The following DLC1 variants were observed in gnomAD, a reference collection of about 807,000 sequenced individuals.
DLC1 encodes rho GTPase-activating protein 7.
DLC1 carries 54 observed loss-of-function variants against 140.3 expected under a neutral mutation model. The observed-to-expected ratio is 0.38, with a 90% CI of 0.31 to 0.48. The LOEUF (loss-of-function observed/expected upper bound fraction) is 0.48. Among genes scored for constraint, DLC1 ranks in the 20% least tolerant of loss-of-function variants. The probability of loss-of-function intolerance (pLI) is 0.96; values close to 1 mark genes in which losing one functional copy is unlikely to be tolerated. For missense variants in DLC1, 2,536 were observed against 1,907.0 expected, an observed-to-expected ratio of 1.33 and a Z score of -6.14; for synonymous variants, 986 against 728.1, an observed-to-expected ratio of 1.35 and a Z score of -5.70.
intron 2 of DLC1, among the ~76,000 whole-genome samples, chr8:13,468,136 C>T (rs573991238): frequency 9.9e-5 from 15 of 152,188 alleles, no homozygotes; most frequent in South Asian, 4.2e-4. Flanking sequence ...TAAACACTTT[C>T]GGAAAAAGTG....
chr8:13,139,166 T>C (rs1822783047), intron 5 of DLC1, among the ~76,000 whole-genome samples: 1 of 150,928 alleles, frequency 6.6e-6, no homozygotes, highest in Admixed American at 6.6e-5. Context: ...GCTGCTCGCC[T>C]GTGTTCCCAG....
chr8:13,172,966 T>C (rs974865383), intron 5 of DLC1, among the ~76,000 whole-genome samples: 3 of 152,220 alleles, frequency 2.0e-5, no homozygotes, highest in Non-Finnish European at 4.4e-5. Flanking sequence ...CAAAAAGTCA[T>C]TAGGGTGTAT....
chr8:13,460,402 G>A (rs967248182), intron 2 of DLC1, among the ~76,000 whole-genome samples: 26 of 152,330 alleles, frequency 1.7e-4, no homozygotes, highest in Non-Finnish European at 3.1e-4. Flanking sequence ...CTCACTGCAC[G>A]TGTTCTGGGC....
At chr8:13,481,703 C>G (rs1325085877) in intron 2 of DLC1, among the ~76,000 whole-genome samples, 1 of 152,126 alleles carries the variant, frequency 6.6e-6, no homozygotes, top group Non-Finnish European at 1.5e-5. Flanking sequence ...AACTGGACCC[C>G]TCTCCCAATT....
chr8:13,228,266 T>C (rs1185014207), intron 5 of DLC1, among the ~76,000 whole-genome samples: 7 of 151,816 alleles, frequency 4.6e-5, no homozygotes, highest in Non-Finnish European at 7.4e-5. Flanking sequence ...TTGTGACTCA[T>C]TTCTTTTTAA....
intron 5 of DLC1, among the ~76,000 whole-genome samples, chr8:13,149,684 G>T (rs982335837): frequency 1.3e-5 from 2 of 152,162 alleles, no homozygotes; most frequent in Non-Finnish European, 2.9e-5. Flanking sequence ...CTTCAGAAAG[G>T]CAAAGAGAAC....
At chr8:13,462,337 C>T (rs1382454025) in intron 2 of DLC1, among the ~76,000 whole-genome samples, 3 of 151,046 alleles carry the variant, frequency 2.0e-5, no homozygotes, top group Non-Finnish European at 4.4e-5. Context: ...GGGAACTTTT[C>T]TTTTGTAACT....
At chr8:13,405,877 T>C (rs964852892) in intron 2 of DLC1, among the ~76,000 whole-genome samples, 4 of 151,230 alleles carry the variant, frequency 2.6e-5, no homozygotes, top group African/African-American at 9.7e-5. Context: ...CTTTTCTTTT[T>C]TCTTTTCTTT....
At chr8:13,471,959 G>A (rs953358470) in intron 2 of DLC1, among the ~76,000 whole-genome samples, 1 of 152,108 alleles carries the variant, frequency 6.6e-6, no homozygotes, top group Non-Finnish European at 1.5e-5. Flanking sequence ...AATCCCAAAA[G>A]TTTCTGAGCT....
chr8:13,574,944 G>T (rs376183993), intron 1 of DLC1, among the ~76,000 whole-genome samples: 71 of 152,340 alleles, frequency 4.7e-4, no homozygotes, highest in African/African-American at 1.5e-3. Flanking sequence ...AGGTTGAAAA[G>T]AAGTAGGGAT....
chr8:13,587,105 C>CACACACGCACAT (rs879540746), intron 1 of DLC1, among the ~76,000 whole-genome samples: 1 of 150,118 alleles, frequency 6.7e-6, no homozygotes, highest in Non-Finnish European at 1.5e-5. Context: ...CACACACACA[C>CACACACGCACAT]ATTCATGCAT....
intron 4 of DLC1, among the ~76,000 whole-genome samples, chr8:13,306,245 A>T (rs866656893): frequency 4.6e-5 from 7 of 152,190 alleles, no homozygotes; most frequent in South Asian, 4.1e-4. Context: ...CACTGTTATG[A>T]TTTTTAAAAA....
intron 4 of DLC1, among the ~76,000 whole-genome samples, chr8:13,373,637 T>C (rs905227112): frequency 6.6e-6 from 1 of 152,232 alleles, no homozygotes; most frequent in African/African-American, 2.4e-5. Context: ...AAAATAATTG[T>C]ATGTATTACT....
intron 5 of DLC1, among the ~76,000 whole-genome samples, chr8:13,178,077 A>G (rs995378580): frequency 6.6e-6 from 1 of 152,194 alleles, no homozygotes; most frequent in Non-Finnish European, 1.5e-5. Context: ...TTCTGGGTCA[A>G]TCATATATCT....
intron 5 of DLC1, among the ~76,000 whole-genome samples, chr8:13,295,681 A>C (rs1831915936): frequency 6.6e-6 from 1 of 152,248 alleles, no homozygotes; most frequent in African/African-American, 2.4e-5. Context: ...ATGGAGGGTC[A>C]ATACGAGAAG....
intron 6 of DLC1, among the ~76,000 whole-genome samples, chr8:13,114,942 T>A (rs952373213): frequency 6.6e-6 from 1 of 152,238 alleles, no homozygotes; most frequent in African/African-American, 2.4e-5. Context: ...TGAACATACA[T>A]ATTCTTTATT....
At chr8:13,260,384 A>C (rs1455029255) in intron 5 of DLC1, among the ~76,000 whole-genome samples, 3 of 152,214 alleles carry the variant, frequency 2.0e-5, no homozygotes, top group Non-Finnish European at 4.4e-5. Flanking sequence ...GCAGAGACAC[A>C]CAGAAGGTGG....
intron 5 of DLC1, among the ~76,000 whole-genome samples, chr8:13,192,359 A>G (rs545621192): frequency 6.6e-6 from 1 of 152,336 alleles, no homozygotes; most frequent in South Asian, 2.1e-4. Flanking sequence ...TTAGTAATAC[A>G]AAATTCATGA....
chr8:13,245,761 C>G (rs1030429531), intron 5 of DLC1, among the ~76,000 whole-genome samples: 8 of 152,116 alleles, frequency 5.3e-5, no homozygotes, highest in Non-Finnish European at 1.2e-4. Context: ...AGTGCAGTGG[C>G]ATGATCTCAG....
Sources: allele counts gnomAD v4.1 joint callset (sites outside exome capture counted in the v4.1 genomes callset), GRCh38; gene constraint gnomAD v4.1.1; transcripts MANE v1.5; gene names NCBI Gene and HGNC (gene_info 2026-07-23, HGNC 2026-07-21).